The following PALD1 variants were observed in gnomAD, a reference collection of about 807,000 sequenced individuals.
PALD1 encodes the protein phosphatase domain containing paladin 1, also known as paladin.
A neutral mutation model predicts 96.0 loss-of-function variants in PALD1; 57 were observed. The observed-to-expected ratio is 0.59, with a 90% CI of 0.48 to 0.74. The LOEUF is 0.74. Among genes scored for constraint, PALD1 ranks in the 30% least tolerant of loss-of-function variants. The probability of loss-of-function intolerance (pLI) is 0.00; values close to 1 mark genes in which losing one functional copy is unlikely to be tolerated. For synonymous variants in PALD1, 464 were observed against 473.6 expected, an observed-to-expected ratio of 0.98 and a Z score of 0.26; for missense variants, 1,063 against 1,143.7, an observed-to-expected ratio of 0.93 and a Z score of 1.02.
rs906458234 is a variant in PALD1, at chr10:70,540,481, G to A, written c.1909-621G>A. On this transcript the variant is annotated intron_variant, in intron 15 of 19. Coordinates refer to ENST00000263563, the MANE Select transcript of PALD1 (RefSeq NM_014431.3). The surrounding 1 kb of genome is among the most constrained non-coding windows in gnomAD (Gnocchi z 4.2). ...TGTCTGTATAGTGTGTGTGTTTACC[G>A]GACGTGGATCCCTGTGTGGTGCGTG... 2.0e-5 allele frequency among the ~76,000 whole-genome samples: 3 copies of A among 151,976 alleles called. No homozygotes were observed. Among genetic ancestry groups the A allele is most frequent in the East Asian group, 1.9e-4 (1 of 5,182 alleles).
chr10:70,541,362 A>C, intron 16 of PALD1, 101 bp from the exon 17 acceptor site: 2 of 1,521,316 alleles, frequency 1.3e-6, no homozygotes, highest in Non-Finnish European at 1.8e-6. Context: ...GTGTGGTCCC[A>C]GAGCCCCTTC....
Position 70,503,357 on chromosome 10 carries a change from C to T in PALD1, c.-29-22566C>T, listed in dbSNP as rs186690832. On this transcript the variant is annotated intron_variant, in intron 1 of 19. Transcript: ENST00000263563. ...ATATGTTGAATGACAGATAATAGGC[C>T]GGGCACAATGGCTCATGCCTGTAAT... Among the ~76,000 whole-genome samples the T allele has an allele frequency of 7.8e-4, 118 of 152,182 alleles. 1 individual carries two copies. Among genetic ancestry groups the T allele is most frequent in the African/African-American group, 2.7e-3 (114 of 41,530 alleles).
In PALD1 at chr10:70,566,770, C is replaced by T. The variant is rs539377551; in HGVS notation, c.*37C>T. The T allele has an allele frequency of 1.4e-6, 2 of 1,469,404 alleles. No homozygotes were observed. The highest frequency in any genetic ancestry group is 1.4e-5 in the African/African-American group (1 of 72,118). 91.0% of individuals were successfully genotyped at this position (1,469,404 alleles called of 1,614,324 possible). ...CCCTGTCCCCCCACCCACAGGGCCC[C>T]ACGCAGGCCTGGGGTGTCTGAGGTG... On this transcript the variant is annotated 3_prime_UTR_variant, in exon 20 of 20. Coordinates refer to ENST00000263563, the MANE Select transcript of PALD1 (RefSeq NM_014431.3).
intron 18 of PALD1, among the ~76,000 whole-genome samples, chr10:70,553,284 T>C (rs10823567): frequency 0.47 from 71,250 of 152,038 alleles, 17,362 homozygotes; most frequent in East Asian, 0.85. Flanking sequence ...GATTTCCCTG[T>C]CTCCAGTGGA....
At chr10:70,508,647 G>T (rs1846443219) in intron 1 of PALD1, among the ~76,000 whole-genome samples, 1 of 152,216 alleles carries the variant, frequency 6.6e-6, no homozygotes, top group Admixed American at 6.5e-5. Context: ...GTGACTGTGG[G>T]CAGGTCTCCG....
intron 1 of PALD1, among the ~76,000 whole-genome samples, chr10:70,489,056 C>A (rs1485265562): frequency 6.6e-6 from 1 of 152,130 alleles, no homozygotes; most frequent in African/African-American, 2.4e-5. Context: ...AAGGAATAGG[C>A]CCAGGAGAGG....
At chr10:70,459,967 G>T in the PALD1 span, among the ~76,000 whole-genome samples, 1 of 152,186 alleles carries the variant, frequency 6.6e-6, no homozygotes, top group African/African-American at 2.4e-5. Context: ...CGGTTCCATT[G>T]TGTGCCTCCT....
chr10:70,527,547 G>A (rs1846893845), intron 2 of PALD1, among the ~76,000 whole-genome samples: 1 of 152,176 alleles, frequency 6.6e-6, no homozygotes, highest in South Asian at 2.1e-4. Flanking sequence ...TTGAGTAGTT[G>A]CAACAGGCGC....
At chr10:70,471,706 G>A in the PALD1 span, among the ~76,000 whole-genome samples, 6 of 152,208 alleles carry the variant, frequency 3.9e-5, no homozygotes, top group African/African-American at 4.8e-5. Context: ...ATTTCTAGGC[G>A]AAAGTCCTAG....
chr10:70,517,292 A>G (rs1370417960), intron 1 of PALD1, among the ~76,000 whole-genome samples: 1 of 151,610 alleles, frequency 6.6e-6, no homozygotes, highest in African/African-American at 2.4e-5. Flanking sequence ...TTTTTAACAG[A>G]TTTACTGAGG....
At chr10:70,463,200 C>T in the PALD1 span, among the ~76,000 whole-genome samples, 5 of 152,284 alleles carry the variant, frequency 3.3e-5, no homozygotes, top group South Asian at 2.1e-4. Context: ...GTCAGGAGAT[C>T]AAGACCATCC....
At chr10:70,529,695 C>A (rs371239383) in intron 3 of PALD1, among the ~76,000 whole-genome samples, 194 bp from the exon 4 acceptor site, 1 of 152,184 alleles carries the variant, frequency 6.6e-6, no homozygotes, top group Admixed American at 6.5e-5. Context: ...CTTTATGATA[C>A]CCTTCCCCAG....
At chr10:70,460,991 G>T in the PALD1 span, among the ~76,000 whole-genome samples, 5 of 152,200 alleles carry the variant, frequency 3.3e-5, no homozygotes, top group Non-Finnish European at 7.3e-5. Flanking sequence ...AGAGGCAGAG[G>T]TTGCAGTGAG....
intron 17 of PALD1, 140 bp downstream of exon 17, chr10:70,541,674 C>G: frequency 1.5e-6 from 1 of 677,092 alleles, no homozygotes; most frequent in South Asian, 1.7e-5. Flanking sequence ...CTTCCCTGTT[C>G]CCATTTTATA....
chr10:70,556,525 C>T (rs753923259), intron 18 of PALD1, among the ~76,000 whole-genome samples: 10 of 151,986 alleles, frequency 6.6e-5, no homozygotes, highest in Non-Finnish European at 8.8e-5. Context: ...GCTGTGGTGC[C>T]CAGGCTGGCC....
At chr10:70,474,055 A>C (rs566860116), upstream of PALD1, among the ~76,000 whole-genome samples, 38 of 152,272 alleles carry the variant, frequency 2.5e-4, no homozygotes, top group African/African-American at 9.1e-4. Context: ...TAGAACCTGA[A>C]GAATGTTCTG....
intron 1 of PALD1, among the ~76,000 whole-genome samples, chr10:70,494,327 T>C (rs1222177739): frequency 6.6e-6 from 1 of 152,248 alleles, no homozygotes; most frequent in Non-Finnish European, 1.5e-5. Context: ...GCAGGGATTT[T>C]TGCTCTGTAT....
intron 18 of PALD1, among the ~76,000 whole-genome samples, chr10:70,560,509 G>C (rs1432705748): frequency 3.9e-5 from 6 of 152,130 alleles, no homozygotes; most frequent in Non-Finnish European, 7.4e-5. Context: ...TCCTTCACTG[G>C]GTTGCTAGGA....
intron 1 of PALD1, among the ~76,000 whole-genome samples, chr10:70,489,750 C>T (rs1210221768): frequency 1.3e-5 from 2 of 152,054 alleles, no homozygotes; most frequent in Non-Finnish European, 2.9e-5. Context: ...TGTCTCACCA[C>T]AGTCTAATTT....
Sources: allele counts gnomAD v4.1 joint callset (sites outside exome capture counted in the v4.1 genomes callset), GRCh38; gene constraint gnomAD v4.1.1; non-coding constraint Gnocchi (gnomAD v3.1); transcripts MANE v1.5; gene names NCBI Gene and HGNC (gene_info 2026-07-23, HGNC 2026-07-21).